The following ARID1B variants were observed in gnomAD, a reference collection of about 807,000 sequenced individuals.
ARID1B encodes AT-rich interactive domain-containing protein 1B.
In ARID1B, 30 loss-of-function variants were observed where a neutral mutation model predicts 212.3. That is an observed-to-expected ratio of 0.14 (90% CI 0.11 to 0.19). ARID1B has a LOEUF of 0.19. Ranked by LOEUF, ARID1B falls within the 10% of genes least tolerant of loss-of-function variation. ARID1B has a pLI of 1.00. For synonymous variants in ARID1B, 1,402 were observed against 1,301.7 expected (o/e 1.08, Z -1.66); for missense variants, 2,891 against 3,204.0 (o/e 0.90, Z 2.36).
In ARID1B at chr6:157,208,866, A is replaced by G. The variant is rs1794642566; in HGVS notation, c.*975A>G. ...TCCAAAAAAAGAAAGAAAAAATACAAAAAACAAAAACAAAAAAAAAAGAGG... is the reference window on the plus strand; with the variant it reads ...TCCAAAAAAAGAAAGAAAAAATACAGAAAACAAAAACAAAAAAAAAAGAGG... On this transcript the variant is annotated 3_prime_UTR_variant, in exon 20 of 20. Transcript: ENST00000636930. 1 of 226,266 alleles carries G rather than the reference A, an allele frequency of 4.4e-6. No individual in the cohort carries two copies. Among genetic ancestry groups the G allele is most frequent in the Non-Finnish European group, 8.7e-6 (1 of 114,420 alleles). 14.0% of individuals were successfully genotyped at this position (226,266 alleles called of 1,614,324 possible). A position where few individuals can be genotyped will look rare whatever the true frequency, so the allele number is the denominator to read the frequency against.
At chr6:157,143,700 C>T (rs1174406274) in intron 7 of ARID1B, among the ~76,000 whole-genome samples, 1 of 152,218 alleles carries the variant, frequency 6.6e-6, no homozygotes, top group Non-Finnish European at 1.5e-5. Flanking sequence ...CACCCAGATG[C>T]TGAAGCCTGT....
At chr6:156,965,776 G>A (rs1230748149) in intron 4 of ARID1B, among the ~76,000 whole-genome samples, 1 of 152,100 alleles carries the variant, frequency 6.6e-6, no homozygotes, top group Non-Finnish European at 1.5e-5. Flanking sequence ...TTGTTAGCTC[G>A]ATTGTCCAAA....
At chr6:156,931,685 G>A (rs546423918) in intron 3 of ARID1B, among the ~76,000 whole-genome samples, 38 of 151,954 alleles carry the variant, frequency 2.5e-4, no homozygotes, top group Middle Eastern at 3.4e-3. Flanking sequence ...AAATTAGGCC[G>A]GGCACGGTGG....
intron 4 of ARID1B, among the ~76,000 whole-genome samples, chr6:156,978,737 A>G (rs1777417474): frequency 6.6e-6 from 1 of 152,242 alleles, no homozygotes; most frequent in Non-Finnish European, 1.5e-5. Flanking sequence ...ATGATTCAAA[A>G]GAGAATATAA....
intron 4 of ARID1B, among the ~76,000 whole-genome samples, chr6:157,008,876 G>A (rs1157574215): frequency 6.6e-6 from 1 of 152,086 alleles, no homozygotes; most frequent in Non-Finnish European, 1.5e-5. Flanking sequence ...GTTTCAGTTT[G>A]ACGCTAGCAC....
At chr6:156,813,270 A>ATTTTTTTT (rs553503458) in intron 1 of ARID1B, among the ~76,000 whole-genome samples, 1 of 138,252 alleles carries the variant, frequency 7.2e-6, no homozygotes, top group African/African-American at 2.7e-5. Context: ...CGCCCTGCTA[A>ATTTTTTTT]TTTTTTTTTT....
intron 13 of ARID1B, among the ~76,000 whole-genome samples, chr6:157,189,252 A>G (rs984462405): frequency 2.6e-5 from 4 of 152,238 alleles, no homozygotes; most frequent in Non-Finnish European, 5.9e-5. Flanking sequence ...TCCCATTTAT[A>G]AAAATGTACA....
intron 4 of ARID1B, among the ~76,000 whole-genome samples, chr6:157,010,302 T>TTTTG (rs1562546689): frequency 1.7e-5 from 2 of 120,942 alleles, no homozygotes; most frequent in African/African-American, 6.5e-5. Flanking sequence ...TTTTTTTTTT[T>TTTTG]TTGTTGTTGT....
intron 11 of ARID1B, among the ~76,000 whole-genome samples, chr6:157,178,323 G>A (rs1041612657): frequency 1.3e-5 from 2 of 152,210 alleles, no homozygotes; most frequent in Non-Finnish European, 1.5e-5. Context: ...ACCACGCTAA[G>A]TGTTGGTGAT....
At chr6:157,082,641 C>T (rs868463967) in intron 4 of ARID1B, among the ~76,000 whole-genome samples, 9 of 152,178 alleles carry the variant, frequency 5.9e-5, no homozygotes, top group African/African-American at 2.2e-4. Flanking sequence ...GCCTTGAACT[C>T]CTGGGCTCAA....
chr6:157,107,497 A>G (rs1583317695), intron 5 of ARID1B, among the ~76,000 whole-genome samples: 2 of 152,332 alleles, frequency 1.3e-5, no homozygotes, highest in East Asian at 3.9e-4. Flanking sequence ...GATAGCATAG[A>G]CTTAGGCTGA....
intron 1 of ARID1B, among the ~76,000 whole-genome samples, chr6:156,812,976 G>GACA (rs1781671560): frequency 9.6e-6 from 1 of 104,350 alleles, no homozygotes; most frequent in African/African-American, 3.2e-5. Flanking sequence ...GTGTGTGTGT[G>GACA]TATGTATATA....
At chr6:156,790,126 T>C (rs1333359916) in intron 1 of ARID1B, among the ~76,000 whole-genome samples, 1 of 152,242 alleles carries the variant, frequency 6.6e-6, no homozygotes, top group Non-Finnish European at 1.5e-5. Flanking sequence ...AAGTAAGTTA[T>C]TGAGCAATTC....
chr6:157,047,449 G>C (rs1166110134), intron 4 of ARID1B, among the ~76,000 whole-genome samples: 1 of 152,232 alleles, frequency 6.6e-6, no homozygotes, highest in Non-Finnish European at 1.5e-5. Flanking sequence ...GATGATGGTA[G>C]ATGACAGAGT....
At chr6:157,135,161 A>G (rs1435594235) in intron 7 of ARID1B, among the ~76,000 whole-genome samples, 1 of 152,034 alleles carries the variant, frequency 6.6e-6, no homozygotes, top group Non-Finnish European at 1.5e-5. Flanking sequence ...TAAGAGCACT[A>G]AGCCCAGGAG....
At chr6:157,145,786 C>A (rs1583397049) in intron 7 of ARID1B, among the ~76,000 whole-genome samples, 1 of 152,194 alleles carries the variant, frequency 6.6e-6, no homozygotes, top group Non-Finnish European at 1.5e-5. Flanking sequence ...GCCACGTGAC[C>A]ATGGGACATT....
At chr6:157,124,536 G>A (rs1283361576) in intron 6 of ARID1B, among the ~76,000 whole-genome samples, 7 of 152,204 alleles carry the variant, frequency 4.6e-5, no homozygotes, top group Admixed American at 3.9e-4. Context: ...ATGAAGGCAA[G>A]TGGCCTTCTA....
At chr6:157,113,469 C>G (rs922162038) in intron 6 of ARID1B, among the ~76,000 whole-genome samples, 2 of 152,146 alleles carry the variant, frequency 1.3e-5, no homozygotes, top group African/African-American at 4.8e-5. Flanking sequence ...CTGGAAACTT[C>G]CAGTCATGAT....
intron 4 of ARID1B, chr6:157,072,059 T>C (rs1784035150): frequency 6.6e-6 from 1 of 152,250 alleles, no homozygotes; most frequent in African/African-American, 2.4e-5. Context: ...AGCAGAATTT[T>C]TTCTTTGTCC....
Sources: allele counts gnomAD v4.1 joint callset (sites outside exome capture counted in the v4.1 genomes callset), GRCh38; gene constraint gnomAD v4.1.1; transcripts MANE v1.5; gene names NCBI Gene and HGNC (gene_info 2026-07-23, HGNC 2026-07-21).